CDKAL1: variants seen among roughly 807,000 people sequenced by gnomAD.
CDKAL1 encodes the protein CDKAL1 threonylcarbamoyladenosine tRNA methylthiotransferase, also known as threonylcarbamoyladenosine tRNA methylthiotransferase.
CDKAL1 carries 32 observed loss-of-function variants against 68.2 expected under a neutral mutation model. The observed-to-expected ratio is 0.47, with a 90% CI of 0.35 to 0.63. The LOEUF is 0.63. Ranked by LOEUF, CDKAL1 falls within the 30% of genes least tolerant of loss-of-function variation. The probability of loss-of-function intolerance (pLI) is 0.00; values close to 1 mark genes in which losing one functional copy is unlikely to be tolerated. For synonymous variants in CDKAL1, 234 were observed against 244.3 expected, an observed-to-expected ratio of 0.96 and a Z score of 0.39; for missense variants, 606 against 696.7, an observed-to-expected ratio of 0.87 and a Z score of 1.47.
At chr6:20,927,908 T>G (rs1197306868) in intron 9 of CDKAL1, among the ~76,000 whole-genome samples, 1 of 152,224 alleles carries the variant, frequency 6.6e-6, no homozygotes, top group East Asian at 1.9e-4. Context: ...CTTAGATTAT[T>G]AGACTGTATA....
intron 9 of CDKAL1, among the ~76,000 whole-genome samples, chr6:20,898,299 T>C (rs1383301080): frequency 6.6e-6 from 1 of 151,320 alleles, no homozygotes; most frequent in African/African-American, 2.4e-5. Flanking sequence ...GTAAATTTCA[T>C]TCTGTCTGCT....
intron 2 of CDKAL1, among the ~76,000 whole-genome samples, chr6:20,542,614 A>G (rs977581943): frequency 6.6e-5 from 10 of 152,244 alleles, no homozygotes; most frequent in African/African-American, 2.4e-4. Context: ...TTCTAACATA[A>G]TTACCGCTTT....
At chr6:21,117,790 A>T (rs200534129) in intron 13 of CDKAL1, among the ~76,000 whole-genome samples, 1 of 152,236 alleles carries the variant, frequency 6.6e-6, no homozygotes, top group East Asian at 1.9e-4. Flanking sequence ...AATGAAATAC[A>T]AAATGATTGT....
chr6:21,111,409 G>C (rs1028704442), intron 13 of CDKAL1, among the ~76,000 whole-genome samples: 3 of 152,220 alleles, frequency 2.0e-5, no homozygotes, highest in African/African-American at 7.2e-5. Flanking sequence ...TGTTAAAACA[G>C]TTGTAATTAC....
At chr6:21,070,059 G>A (rs561245281) in intron 12 of CDKAL1, among the ~76,000 whole-genome samples, 5 of 151,800 alleles carry the variant, frequency 3.3e-5, no homozygotes, top group Admixed American at 3.3e-4. Flanking sequence ...CAAAGTGCTG[G>A]GATTACAGGC....
rs1005541669 is a variant in CDKAL1 at position 21,136,234 on chromosome 6, G to A, written c.1299+27771G>A. 7.9e-5 allele frequency among the ~76,000 whole-genome samples: 12 copies of A among 152,262 alleles called. 1 individual carries two copies. The highest frequency in any genetic ancestry group is 7.2e-4 in the Admixed American group (11 of 15,300). ...ACAGATTTATATGTGTGTAAACAAT[G>A]TGTTTGTAATAGGACTCAATAGTCT... On this transcript the variant is annotated intron_variant, in intron 13 of 15. Coordinates refer to ENST00000274695, the MANE Select transcript of CDKAL1 (RefSeq NM_017774.3).
intron 13 of CDKAL1, among the ~76,000 whole-genome samples, chr6:21,139,987 A>T (rs906460743): frequency 1.2e-4 from 19 of 152,196 alleles, no homozygotes; most frequent in Non-Finnish European, 2.5e-4. Flanking sequence ...CGCACAGATA[A>T]TTGTTGATAA....
chr6:21,080,205 T>G (rs1045050205), intron 12 of CDKAL1, among the ~76,000 whole-genome samples: 1 of 152,056 alleles, frequency 6.6e-6, no homozygotes, highest in Non-Finnish European at 1.5e-5. Flanking sequence ...TAACAAAAAT[T>G]GTTGTTAAGC....
At chr6:21,039,545 A>G (rs1257142316) in intron 11 of CDKAL1, among the ~76,000 whole-genome samples, 1 of 152,206 alleles carries the variant, frequency 6.6e-6, no homozygotes, top group Non-Finnish European at 1.5e-5. Flanking sequence ...GAACCAGGAT[A>G]AAAATTATCA....
At chr6:21,048,709 G>C (rs141763087) in intron 11 of CDKAL1, among the ~76,000 whole-genome samples, 16 of 152,110 alleles carry the variant, frequency 1.1e-4, no homozygotes, top group African/African-American at 3.9e-4. Context: ...CATTTTGACT[G>C]TATAATTTTA....
At chr6:20,772,291 T>C (rs1032147279) in intron 7 of CDKAL1, among the ~76,000 whole-genome samples, 1 of 152,192 alleles carries the variant, frequency 6.6e-6, no homozygotes, top group Non-Finnish European at 1.5e-5. Context: ...GGAGAGTCTG[T>C]TGTAGCAAGA....
intron 6 of CDKAL1, among the ~76,000 whole-genome samples, chr6:20,740,855 T>C (rs981844376): frequency 1.5e-4 from 23 of 152,188 alleles, no homozygotes; most frequent in African/African-American, 5.5e-4. Flanking sequence ...GTTTAAGGAA[T>C]GAAATGAATA....
intron 11 of CDKAL1, among the ~76,000 whole-genome samples, chr6:21,038,505 T>C (rs1401906932): frequency 6.6e-6 from 1 of 152,186 alleles, no homozygotes; most frequent in Admixed American, 6.5e-5. Context: ...TTTACAAAGG[T>C]ATTCAGAGAT....
intron 5 of CDKAL1, among the ~76,000 whole-genome samples, chr6:20,692,893 G>C (rs1770932476): frequency 2.6e-5 from 4 of 151,874 alleles, no homozygotes; most frequent in African/African-American, 9.7e-5. Flanking sequence ...TTGGGAGGCC[G>C]AGGTGGGTGG....
At chr6:20,595,070 G>A (rs1765762660) in intron 4 of CDKAL1, among the ~76,000 whole-genome samples, 1 of 152,182 alleles carries the variant, frequency 6.6e-6, no homozygotes, top group Non-Finnish European at 1.5e-5. Context: ...CCCTTTGTGG[G>A]TAACCTGACC....
chr6:20,643,627 T>C (rs1768294271), intron 4 of CDKAL1, among the ~76,000 whole-genome samples: 1 of 152,194 alleles, frequency 6.6e-6, no homozygotes, highest in African/African-American at 2.4e-5. Flanking sequence ...TCACTTTTCA[T>C]TTTTAGTGAG....
At chr6:21,057,081 A>G (rs1770877092) in intron 11 of CDKAL1, among the ~76,000 whole-genome samples, 1 of 152,200 alleles carries the variant, frequency 6.6e-6, no homozygotes, top group South Asian at 2.1e-4. Flanking sequence ...TGTTTGGAAT[A>G]GTTTCAGAAG....
intron 5 of CDKAL1, among the ~76,000 whole-genome samples, chr6:20,678,738 TG>T (rs2127788881): frequency 6.6e-6 from 1 of 152,276 alleles, no homozygotes; most frequent in South Asian, 2.1e-4. Flanking sequence ...TCTGCTCTGT[TG>T]TGATGTTTTA....
At chr6:21,008,018 A>C (rs1463876828) in intron 11 of CDKAL1, among the ~76,000 whole-genome samples, 1 of 152,252 alleles carries the variant, frequency 6.6e-6, no homozygotes, top group Non-Finnish European at 1.5e-5. Flanking sequence ...TGGGTGTCAA[A>C]AGTAGCTCCT....
Sources: allele counts gnomAD v4.1 joint callset (sites outside exome capture counted in the v4.1 genomes callset), GRCh38; gene constraint gnomAD v4.1.1; transcripts MANE v1.5; gene names NCBI Gene and HGNC (gene_info 2026-07-23, HGNC 2026-07-21).